SELP: variants seen among roughly 807,000 people sequenced by gnomAD.
SELP encodes the protein P-selectin.
In SELP, 92 loss-of-function variants were observed where a neutral mutation model predicts 104.1. That is an observed-to-expected ratio of 0.88 (90% CI 0.75 to 1.05). The LOEUF (loss-of-function observed/expected upper bound fraction) is 1.05. SELP is among the 50% of genes least tolerant of loss of function. The pLI, the probability that SELP is intolerant of heterozygous loss-of-function variation, is 0.00. For synonymous variants in SELP, 397 were observed against 364.5 expected (o/e 1.09, Z -1.01); for missense variants, 1,022 against 1,017.3 (o/e 1.00, Z -0.06).
chr1:169,589,975 A>G (rs569160489), intron 16 of SELP, among the ~76,000 whole-genome samples, 172 bp downstream of exon 16: 2 of 152,256 alleles, frequency 1.3e-5, no homozygotes, highest in African/African-American at 4.8e-5. Context: ...CTCTTTTGTA[A>G]CTCCATTGTC....
intron 3 of SELP, among the ~76,000 whole-genome samples, chr1:169,616,805 G>A (rs1320356671): frequency 1.3e-5 from 2 of 152,160 alleles, no homozygotes; most frequent in Non-Finnish European, 2.9e-5. Flanking sequence ...AGGTGAGCTG[G>A]ATGATATTAA....
intron 14 of SELP, among the ~76,000 whole-genome samples, chr1:169,591,913 G>T (rs538612779): frequency 2.0e-5 from 3 of 152,272 alleles, no homozygotes; most frequent in Admixed American, 6.5e-5. Context: ...AAACTTCAAA[G>T]CCTAAAATCA....
At chr1:169,594,567 CTTA>C in intron 13 of SELP, 122 bp downstream of exon 13, 1 of 866,922 alleles carries the variant, frequency 1.2e-6, no homozygotes, top group Non-Finnish European at 1.8e-6. Context: ...TTGTGAAACA[CTTA>C]TTAAGCAGGG....
At chr1:169,605,350 G>A (rs1662127028) in intron 9 of SELP, among the ~76,000 whole-genome samples, 1 of 152,124 alleles carries the variant, frequency 6.6e-6, no homozygotes, top group South Asian at 2.1e-4. Context: ...TAAGTCCAGG[G>A]GCTTGCCATC....
intron 3 of SELP, among the ~76,000 whole-genome samples, chr1:169,616,174 T>A (rs1372090644): frequency 6.6e-6 from 1 of 152,200 alleles, no homozygotes; most frequent in East Asian, 1.9e-4. Context: ...TTCAATTACT[T>A]CTTTCCTTTC....
Position 169,609,512 on chromosome 1 carries a change from A to T in SELP, c.1325T>A (p.Val442Asp). The T allele has an allele frequency of 6.2e-7, 1 of 1,612,784 alleles. No homozygotes were observed. Among genetic ancestry groups the T allele is most frequent in the Non-Finnish European group, 8.5e-7 (1 of 1,179,318 alleles). ...TACCACTGTTACAGTACCTTGACAG[A>T]CTGGGGCTGGTGCTGTCCACTGTCC... ...NLGQWTAPAP[V>D]CQALQCQDLP... The change falls in exon 8 of 17, where the codon GTC (valine) becomes GAC (aspartate). Residue 442 changes from valine to aspartate, a missense_variant. By Grantham distance (152) the Val-to-Asp change is radical. Transcript: ENST00000263686.
chr1:169,600,334 G>T (rs1297540290), intron 10 of SELP, among the ~76,000 whole-genome samples: 1 of 152,216 alleles, frequency 6.6e-6, no homozygotes, highest in Non-Finnish European at 1.5e-5. Context: ...TTTGCATTAG[G>T]TATTATACGT....
intron 1 of SELP, among the ~76,000 whole-genome samples, chr1:169,623,564 C>A (rs904020196): frequency 6.6e-6 from 1 of 152,140 alleles, no homozygotes; most frequent in East Asian, 1.9e-4. Flanking sequence ...AGCGAGACAA[C>A]TTGTTTTAAA....
At chr1:169,601,948 A>T (rs1265960881) in intron 10 of SELP, among the ~76,000 whole-genome samples, 1 of 152,220 alleles carries the variant, frequency 6.6e-6, no homozygotes, top group Non-Finnish European at 1.5e-5. Context: ...CATTAGAACA[A>T]TAGCACCTTT....
chr1:169,622,215 T>A (rs1174476818), intron 1 of SELP, among the ~76,000 whole-genome samples: 1 of 152,248 alleles, frequency 6.6e-6, no homozygotes, highest in East Asian at 1.9e-4. Flanking sequence ...TTGTAAATGA[T>A]ATTGCAGCAA....
intron 8 of SELP, among the ~76,000 whole-genome samples, chr1:169,607,425 T>C (rs1220870331): frequency 1.3e-5 from 2 of 152,098 alleles, no homozygotes; most frequent in African/African-American, 4.8e-5. Context: ...TACCAAAAAA[T>C]CTATTTAGAG....
At chr1:169,606,772 C>T (rs1032544592) in intron 9 of SELP, among the ~76,000 whole-genome samples, 177 bp downstream of exon 9, 8 of 152,072 alleles carry the variant, frequency 5.3e-5, no homozygotes, top group East Asian at 3.9e-4. Flanking sequence ...GCCTATCCCC[C>T]GGAGGCATTT....
intron 14 of SELP, among the ~76,000 whole-genome samples, chr1:169,591,895 G>A (rs1661373702): frequency 6.6e-6 from 1 of 152,062 alleles, no homozygotes; most frequent in Admixed American, 6.6e-5. Context: ...CTCTTATTTG[G>A]CCATAGAAAA....
At chr1:169,627,983 C>T (rs1219013761) in intron 1 of SELP, among the ~76,000 whole-genome samples, 1 of 152,214 alleles carries the variant, frequency 6.6e-6, no homozygotes, top group East Asian at 1.9e-4. Flanking sequence ...GCCACCTCCA[C>T]CTCCTGGGTT....
rs556356265 is a variant in SELP at position 169,611,004 on chromosome 1, C to T, written c.1147+488G>A. On this transcript the variant is annotated intron_variant, in intron 7 of 16. Coordinates refer to ENST00000263686, the MANE Select transcript of SELP (RefSeq NM_003005.4). ...TTCCTATTCTCCCATTACCACTGTCCGCCTTATAAACTGAGGGTGTGAGGC... is the reference window on the plus strand; with the variant it reads ...TTCCTATTCTCCCATTACCACTGTCTGCCTTATAAACTGAGGGTGTGAGGC... Among the ~76,000 whole-genome samples, 4 of 152,210 alleles carry T rather than the reference C, an allele frequency of 2.6e-5. No individual in the cohort carries two copies. In the South Asian group the frequency reaches 6.2e-4, roughly 24 times the overall value.
chr1:169,599,371 ACTC>A (rs1474084844), intron 10 of SELP, among the ~76,000 whole-genome samples: 2 of 150,746 alleles, frequency 1.3e-5, no homozygotes, highest in Non-Finnish European at 3.0e-5. Context: ...AAAAAAAAAA[ACTC>A]CTGAATAATT....
At position 169,594,755 on chromosome 1, in the gene SELP, C is replaced by T. The variant is rs534934269; in HGVS notation, c.2224G>A (p.Gly742Ser). The T allele has an allele frequency of 5.6e-5, 91 of 1,613,848 alleles. 1 individual carries two copies. The Admixed American group carries it at 7.3e-4, about 13-fold the overall frequency. The stretch of plus-strand genomic sequence containing the variant: ...TCTTGGCATGCTGTTTGTGCAGAGC[C>T]ATTAAGTAACTGGCCCTCTAGACAA... ...FHCLEGQLLN[G>S]SAQTACQENG... is the part of the protein sequence containing the mutation. Residue 742 changes from glycine to serine, a missense_variant, in exon 13 of 17, where the codon GGC (glycine) becomes AGC (serine). Transcript: ENST00000263686.
chr1:169,593,690 G>A lies in SELP; in HGVS notation c.2322C>T (p.Tyr774=). ...GPLTIQEALT[Y]FGGAVASTIG... ...TCGTAGAAGCCACCGCTCCACCAAA[G>A]TAAGTCAGGGCTTCCTGGATAGTCA... Residue 774 remains tyrosine, a synonymous_variant, in exon 14 of 17, where the codon TAC becomes TAT. Transcript: ENST00000263686. 3 of 1,613,532 alleles carry A rather than the reference G, an allele frequency of 1.9e-6. No homozygotes were observed. The highest frequency in any genetic ancestry group is 2.5e-6 in the Non-Finnish European group (3 of 1,179,564).
At chr1:169,629,905 A>G (rs1269542077) in intron 1 of SELP, among the ~76,000 whole-genome samples, 167 bp downstream of exon 1, 2 of 152,238 alleles carry the variant, frequency 1.3e-5, no homozygotes, top group Admixed American at 6.5e-5. Flanking sequence ...GGGAGGGTCA[A>G]AGTGGACAGC....
Sources: gnomAD v4.1 joint callset for allele counts (sites outside exome capture counted in the v4.1 genomes callset) on GRCh38, gnomAD v4.1.1 for gene constraint, MANE v1.5 for transcripts, NCBI Gene and HGNC (gene_info 2026-07-23, HGNC 2026-07-21) for gene names.